PALB2: variants seen among roughly 807,000 people sequenced by gnomAD.
The protein encoded by PALB2 is partner and localizer of BRCA2.
In PALB2, 82 loss-of-function variants were observed where a neutral mutation model predicts 107.4. The observed-to-expected ratio is 0.76, with a 90% CI of 0.64 to 0.92. PALB2 has a LOEUF of 0.92. PALB2 is among the 40% of genes least tolerant of loss of function. The pLI, the probability that PALB2 is intolerant of heterozygous loss-of-function variation, is 0.00. For synonymous variants in PALB2, 489 were observed against 496.8 expected (o/e 0.98, Z 0.21); for missense variants, 1,374 against 1,379.9 (o/e 1.00, Z 0.07).
At chr16:23,633,180 C>T (rs565557439) in intron 4 of PALB2, among the ~76,000 whole-genome samples, 3 of 152,208 alleles carry the variant, frequency 2.0e-5, no homozygotes, top group South Asian at 2.1e-4. Flanking sequence ...TATCCTTGTT[C>T]GCTTAAAAGA....
intron 10 of PALB2, 103 bp from the exon 11 acceptor site, chr16:23,614,194 G>GAAAAAAAAAA: frequency 1.2e-6 from 1 of 822,890 alleles, no homozygotes; most frequent in Admixed American, 2.2e-5. Flanking sequence ...GGTGACCAGG[G>GAAAAAAAAAA]AAAAAACTAA....
intron 4 of PALB2, among the ~76,000 whole-genome samples, chr16:23,631,853 CTTGT>C (rs1966880703): frequency 6.6e-6 from 1 of 152,028 alleles, no homozygotes; most frequent in South Asian, 2.1e-4. Flanking sequence ...TTTTTGTTTG[CTTGT>C]TTGTTTCAAG....
At chr16:23,617,146 GT>G (rs1056744327) in intron 10 of PALB2, among the ~76,000 whole-genome samples, 13 of 152,062 alleles carry the variant, frequency 8.5e-5, no homozygotes, top group African/African-American at 2.9e-4. Context: ...CTTCAGCATA[GT>G]TTCCAAAAAA....
At position 23,630,483 on chromosome 16, in the gene PALB2, A is replaced by G. The variant is rs780772404; in HGVS notation, c.1685-14T>C. 6.3e-7 allele frequency: 1 copy of G among 1,580,192 alleles called. No homozygotes were observed. Among genetic ancestry groups the G allele is most frequent in the Non-Finnish European group, 8.7e-7 (1 of 1,154,530 alleles). ...GACTTTTCTTCCCTAAAGAAGAAAA[A>G]TAAGTCACAAAATAGTAACAAAACC... On this transcript the variant is annotated splice_polypyrimidine_tract_variant and intron_variant, in intron 4 of 12. Coordinates refer to ENST00000261584, the MANE Select transcript of PALB2 (RefSeq NM_024675.4).
chr16:23,637,576 G>C (rs13332044), intron 3 of PALB2, among the ~76,000 whole-genome samples: 1 of 151,902 alleles, frequency 6.6e-6, no homozygotes, highest in Non-Finnish European at 1.5e-5. Flanking sequence ...GGTAGTGCAC[G>C]TGCCTGTAGT....
In PALB2 at chr16:23,635,702, T is replaced by C. The variant is rs45447991; in HGVS notation, c.844A>G (p.Arg282Gly). ...ELTTHDLKNIRFTSPVSLEAQ... is the reference protein window; with the variant it reads ...ELTTHDLKNIGFTSPVSLEAQ... ...TCCAAACTTACAGGTGAAGTAAATC[T>C]AATGTTTTTTAGGTCGTGAGTAGTA... Residue 282 changes from arginine to glycine, a missense_variant, in exon 4 of 13, where the codon AGA becomes GGA. Physicochemically the swap from Arg to Gly is moderately radical, Grantham distance 125. Transcript: ENST00000261584. 5.5e-5 allele frequency: 88 copies of C among 1,614,066 alleles called. No individual in the cohort carries two copies. Among genetic ancestry groups the C allele is most frequent in the Non-Finnish European group, 7.5e-5 (88 of 1,180,038 alleles).
chr16:23,634,780 G>T, intron 4 of PALB2, 82 bp downstream of exon 4: 2 of 1,530,316 alleles, frequency 1.3e-6, no homozygotes. Context: ...TTTTAGAAAA[G>T]AAAGAAAAGG....
intron 12 of PALB2, among the ~76,000 whole-genome samples, 154 bp from the exon 13 acceptor site, chr16:23,603,823 G>A (rs1966411303): frequency 6.6e-6 from 1 of 152,106 alleles, no homozygotes; most frequent in African/African-American, 2.4e-5. Context: ...GAGGTCTGTT[G>A]GCTATTGTGT....
Position 23,629,671 on chromosome 16 carries a change from C to T in PALB2, c.2483G>A (p.Cys828Tyr), listed in dbSNP as rs1966855796. ...GACGGAATGTTTATGCAGCTCCTGG[C>T]ATGTGTTTCTACAGAGCTGATTTTC... The part of the protein sequence containing the change: ...FKENQLCRNT[C>Y]QELHKHSVEQ... The change falls in exon 5 of 13, where the codon TGC becomes TAC. Residue 828 changes from cysteine (C) to tyrosine (Y), a missense_variant. Cys to Tyr is a radical substitution (Grantham distance 194, BLOSUM62 -2). Coordinates refer to ENST00000261584, the MANE Select transcript of PALB2 (RefSeq NM_024675.4). 1.9e-6 allele frequency: 3 copies of T among 1,614,054 alleles called. No homozygotes were observed. The highest frequency in any genetic ancestry group is 2.5e-6 in the Non-Finnish European group (3 of 1,180,042).
At chr16:23,608,824 A>ATC (rs1966530790) in intron 11 of PALB2, among the ~76,000 whole-genome samples, 1 of 148,156 alleles carries the variant, frequency 6.7e-6, no homozygotes, top group South Asian at 2.1e-4. Flanking sequence ...ACACACACAC[A>ATC]TATATACAGA....
intron 8 of PALB2, 69 bp from the exon 9 acceptor site, chr16:23,623,199 A>AAT: frequency 5.0e-5 from 55 of 1,109,296 alleles, no homozygotes; most frequent in Non-Finnish European, 6.2e-5. Flanking sequence ...GACTAGGTTC[A>AAT]CTTTTTTTTT....
Position 23,603,628 on chromosome 16 carries a change from A to G in PALB2, c.3392T>C (p.Ile1131Thr), listed in dbSNP as rs876658196. The G allele has an allele frequency of 6.2e-6, 10 of 1,614,076 alleles. No individual in the cohort carries two copies. Among genetic ancestry groups the G allele is most frequent in the Non-Finnish European group, 7.6e-6 (9 of 1,180,024 alleles). The change falls in exon 13 of 13, where the codon ATC (isoleucine) becomes ACC (threonine). Residue 1131 changes from isoleucine (I) to threonine (T), a missense_variant. Ile to Thr is a moderately conservative substitution (Grantham distance 89). Coordinates refer to ENST00000261584, the MANE Select transcript of PALB2 (RefSeq NM_024675.4). ...GDVKDHCAAA[I>T]LTSGTIAIWD... ...AATGGCAATTGTTCCAGAAGTCAAG[A>G]TTGCTGCTGCACAGTGATCTTTCAC...
At position 23,641,060 on chromosome 16, in the gene PALB2, G is replaced by A. The variant is rs1227997015; in HGVS notation, c.48+50C>T. 9 of 1,602,696 alleles carry A rather than the reference G, an allele frequency of 5.6e-6. No homozygotes were observed. The highest frequency in any genetic ancestry group is 7.7e-6 in the Non-Finnish European group (9 of 1,174,032). ...GACACAAAGCCAGGCCTAAAACCCT[G>A]GGAAAGCGGGGTCAGAGTCCTGCGT... On this transcript the variant is annotated intron_variant, in intron 1 of 12. Transcript: ENST00000261584.
In PALB2 at chr16:23,629,288, A is replaced by G. The variant is rs1038907196; in HGVS notation, c.2515-13T>C. On this transcript the variant is annotated splice_polypyrimidine_tract_variant and intron_variant, in intron 5 of 12. Coordinates refer to ENST00000261584, the MANE Select transcript of PALB2 (RefSeq NM_024675.4). ...CTGCTGTTTCAGTCTGTGAAAACAA[A>G]AGTCACATCATTAGTCTACACTTTA... is the stretch of plus-strand genomic sequence containing the variant. The G allele has an allele frequency of 6.2e-7, 1 of 1,609,096 alleles. No individual in the cohort carries two copies. Among genetic ancestry groups the G allele is most frequent in the Non-Finnish European group, 8.5e-7 (1 of 1,176,398 alleles).
intron 10 of PALB2, among the ~76,000 whole-genome samples, chr16:23,619,316 A>G (rs917986725): frequency 2.6e-5 from 4 of 152,160 alleles, no homozygotes; most frequent in African/African-American, 9.7e-5. Flanking sequence ...TCCCTATCAC[A>G]AATCTGTTAA....
At chr16:23,639,548 A>T (rs981337328) in intron 1 of PALB2, among the ~76,000 whole-genome samples, 3 of 147,740 alleles carry the variant, frequency 2.0e-5, no homozygotes, top group Non-Finnish European at 4.5e-5. Flanking sequence ...GGCCGGGTGC[A>T]GTGGCTCACA....
chr16:23,631,596 G>A (rs1966878459), intron 4 of PALB2, among the ~76,000 whole-genome samples: 1 of 152,118 alleles, frequency 6.6e-6, no homozygotes, highest in South Asian at 2.1e-4. Flanking sequence ...GTATTAACTA[G>A]GAGAAGGGAC....
chr16:23,636,217 C>A lies in PALB2; in HGVS notation c.329G>T (p.Gly110Val), dbSNP rs1341395298. The A allele has an allele frequency of 6.2e-7, 1 of 1,613,156 alleles. No homozygotes were observed. Residue 110 changes from glycine to valine, a missense_variant, in exon 4 of 13, where the codon GGA becomes GTA. Gly to Val is a moderately radical substitution (Grantham distance 109). Transcript: ENST00000261584. ...LDVGPESFNP[G>V]DGPGGLPIQR... ...TATAGGTAATCCTCCTGGGCCATCT[C>A]CAGGGTTAAAGGACTCAGGCCCAAC...
chr16:23,631,424 G>C (rs575430277), intron 4 of PALB2, among the ~76,000 whole-genome samples: 1 of 151,884 alleles, frequency 6.6e-6, no homozygotes, highest in African/African-American at 2.4e-5. Context: ...GGCTGAAACT[G>C]CACCACTGCA....
Sources: allele counts gnomAD v4.1 joint callset (sites outside exome capture counted in the v4.1 genomes callset), GRCh38; gene constraint gnomAD v4.1.1; transcripts MANE v1.5; gene names NCBI Gene and HGNC (gene_info 2026-07-23, HGNC 2026-07-21).